ARHGAP24: variants seen among roughly 807,000 people sequenced by gnomAD.
The protein encoded by ARHGAP24 is rho GTPase-activating protein 24.
ARHGAP24 carries 50 observed loss-of-function variants against 76.4 expected under a neutral mutation model. The ratio of observed to expected loss-of-function variants is 0.65; its 90% confidence interval spans 0.52 to 0.83. ARHGAP24 has a LOEUF of 0.83. Ranked by LOEUF, ARHGAP24 falls within the 40% of genes least tolerant of loss-of-function variation. The pLI is 0.00. For missense variants in ARHGAP24, 930 were observed against 914.2 expected (o/e 1.02, Z -0.22); for synonymous variants, 345 against 323.3 (o/e 1.07, Z -0.72).
intron 3 of ARHGAP24, among the ~76,000 whole-genome samples, chr4:85,863,087 A>G (rs1408443172): frequency 6.6e-6 from 1 of 151,982 alleles, no homozygotes; most frequent in Non-Finnish European, 1.5e-5. Flanking sequence ...TCTATCTCTA[A>G]TCTCATCTTG....
chr4:85,739,993 C>G (rs1725753784), intron 3 of ARHGAP24, among the ~76,000 whole-genome samples: 1 of 152,180 alleles, frequency 6.6e-6, no homozygotes, highest in Admixed American at 6.5e-5. Context: ...TCCAGCCACA[C>G]AGACTTGCCA....
chr4:85,513,765 T>A (rs1006329093), intron 1 of ARHGAP24, among the ~76,000 whole-genome samples: 5 of 152,314 alleles, frequency 3.3e-5, no homozygotes, highest in African/African-American at 2.4e-5. Context: ...TTTCTTATCT[T>A]CTTCTTTGTG....
At chr4:85,777,509 A>G (rs577108415) in intron 3 of ARHGAP24, among the ~76,000 whole-genome samples, 57 of 152,304 alleles carry the variant, frequency 3.7e-4, no homozygotes, top group African/African-American at 1.3e-3. Context: ...GGGCCACTTC[A>G]TATTTTGGTT....
intron 3 of ARHGAP24, among the ~76,000 whole-genome samples, chr4:85,782,800 C>A (rs1455661690): frequency 6.6e-6 from 1 of 152,144 alleles, no homozygotes; most frequent in South Asian, 2.1e-4. Context: ...TAAATTGGAG[C>A]TTCTGGACAG....
chr4:85,836,102 C>T (rs1578277617), intron 3 of ARHGAP24, among the ~76,000 whole-genome samples: 1 of 152,130 alleles, frequency 6.6e-6, no homozygotes, highest in Admixed American at 6.5e-5. Flanking sequence ...AGCTTTGGTC[C>T]TAAGAAACAT....
chr4:85,624,781 T>G (rs1196280437), intron 2 of ARHGAP24, among the ~76,000 whole-genome samples: 1 of 152,216 alleles, frequency 6.6e-6, no homozygotes, highest in Non-Finnish European at 1.5e-5. Flanking sequence ...GGGATTCACC[T>G]TCTTCCTGGT....
chr4:85,820,299 C>G (rs1047538059), intron 3 of ARHGAP24, among the ~76,000 whole-genome samples: 1 of 152,134 alleles, frequency 6.6e-6, no homozygotes, highest in Non-Finnish European at 1.5e-5. Flanking sequence ...GAATACTATG[C>G]AGTCATGAAA....
At chr4:85,669,683 A>G (rs1045806905) in intron 2 of ARHGAP24, among the ~76,000 whole-genome samples, 2 of 79,250 alleles carry the variant, frequency 2.5e-5, no homozygotes, top group African/African-American at 3.8e-5. Flanking sequence ...ATATATATAT[A>G]TATATATATG....
At chr4:85,925,666 A>G (rs1735981155) in intron 4 of ARHGAP24, among the ~76,000 whole-genome samples, 1 of 152,180 alleles carries the variant, frequency 6.6e-6, no homozygotes, top group Non-Finnish European at 1.5e-5. Context: ...TAATTCATAA[A>G]TTTACTTTAT....
Position 85,528,535 on chromosome 4 carries a change from G to A in ARHGAP24, c.-20-41987G>A, listed in dbSNP as rs963807577. ...TATAGGCAAGATGTAATTCGGTTTT[G>A]ATGGCAGTTGCGAGAATTAACCTTT... On this transcript the variant is annotated intron_variant, in intron 1 of 9. Coordinates refer to ENST00000395184, the MANE Select transcript of ARHGAP24 (RefSeq NM_001025616.3). 2.0e-5 allele frequency among the ~76,000 whole-genome samples: 3 copies of A among 152,106 alleles called. No homozygotes were observed. The East Asian group carries it at 5.8e-4, about 29-fold the overall frequency.
chr4:85,669,523 C>T (rs1409571503), intron 2 of ARHGAP24, among the ~76,000 whole-genome samples: 2 of 151,320 alleles, frequency 1.3e-5, no homozygotes, highest in South Asian at 2.1e-4. Context: ...TAAAAAGGTA[C>T]GTATGTTTGT....
chr4:85,616,094 T>C (rs994335041), intron 2 of ARHGAP24, among the ~76,000 whole-genome samples: 2 of 152,208 alleles, frequency 1.3e-5, no homozygotes, highest in Non-Finnish European at 2.9e-5. Context: ...AAGCACAAGC[T>C]GCTACCTTCA....
intron 1 of ARHGAP24, among the ~76,000 whole-genome samples, chr4:85,486,036 T>A (rs1723038385): frequency 6.6e-6 from 1 of 152,092 alleles, no homozygotes. Context: ...CCCAGTCATT[T>A]AGAATAATTT....
chr4:85,578,933 A>AT (rs1271001507), intron 2 of ARHGAP24, among the ~76,000 whole-genome samples: 1 of 152,202 alleles, frequency 6.6e-6, no homozygotes, highest in Non-Finnish European at 1.5e-5. Context: ...AGAGCAGAAA[A>AT]TAACTTGTTT....
At chr4:85,532,590 T>C (rs1269674791) in intron 1 of ARHGAP24, among the ~76,000 whole-genome samples, 1 of 152,198 alleles carries the variant, frequency 6.6e-6, no homozygotes, top group Non-Finnish European at 1.5e-5. Flanking sequence ...GATTATATAA[T>C]ATTTGATACC....
chr4:85,579,280 T>G (rs193267591), intron 2 of ARHGAP24, among the ~76,000 whole-genome samples: 1 of 152,326 alleles, frequency 6.6e-6, no homozygotes, highest in East Asian at 1.9e-4. Context: ...AACCAGGTAG[T>G]CCATATTCAG....
At chr4:85,721,815 C>T in intron 2 of ARHGAP24, 70 bp from the exon 3 acceptor site, 7 of 1,335,504 alleles carry the variant, frequency 5.2e-6, no homozygotes, top group Non-Finnish European at 7.5e-6. Flanking sequence ...TGGATATTCA[C>T]TGATTATAAT....
chr4:85,493,545 A>G (rs1482260165), intron 1 of ARHGAP24, among the ~76,000 whole-genome samples: 1 of 152,176 alleles, frequency 6.6e-6, no homozygotes. Context: ...TTGTTGCTCA[A>G]ATTGTCCACA....
intron 2 of ARHGAP24, among the ~76,000 whole-genome samples, chr4:85,585,778 T>C (rs1727830181): frequency 6.6e-6 from 1 of 152,226 alleles, no homozygotes; most frequent in East Asian, 1.9e-4. Flanking sequence ...TACAGTAATG[T>C]ATTAAAAGTC....
Sources: allele counts gnomAD v4.1 joint callset (sites outside exome capture counted in the v4.1 genomes callset), GRCh38; gene constraint gnomAD v4.1.1; transcripts MANE v1.5; gene names NCBI Gene and HGNC (gene_info 2026-07-23, HGNC 2026-07-21).